Variants in NRIP1 observed in about 807,000 individuals in gnomAD.
NRIP1 encodes the protein nuclear receptor-interacting protein 1.
In NRIP1, 28 loss-of-function variants were observed where a neutral mutation model predicts 75.0. The observed-to-expected ratio is 0.37, with a 90% confidence interval of 0.28 to 0.51. The LOEUF (loss-of-function observed/expected upper bound fraction) is 0.51. Among genes scored for constraint, NRIP1 ranks in the 20% least tolerant of loss-of-function variants. The probability of loss-of-function intolerance (pLI) is 0.92; values close to 1 mark genes in which losing one functional copy is unlikely to be tolerated. For synonymous variants in NRIP1, 526 were observed against 487.6 expected, an observed-to-expected ratio of 1.08 and a Z score of -1.04; for missense variants, 1,435 against 1,343.7, an observed-to-expected ratio of 1.07 and a Z score of -1.06.
At chr21:15,000,365 A>G (rs73172382) in intron 3 of NRIP1, among the ~76,000 whole-genome samples, 26,736 of 152,162 alleles carry the variant, frequency 0.18, 2,823 homozygotes, top group Non-Finnish European at 0.24. Context: ...ATGTTTATTA[A>G]GCAGTTATTA....
rs375180655 is a variant in NRIP1 at position 14,966,206 on chromosome 21, T to C, written c.1987A>G (p.Ile663Val). 3 of 1,613,754 alleles carry C rather than the reference T, an allele frequency of 1.9e-6. No individual in the cohort carries two copies. The African/African-American group carries it at 4.0e-5, about 22-fold the overall frequency. ...CTATTTAATCTATCAATCATACCTA[T>C]CGGTTTATCTGTGTTTCCAGTTAAC... ...QLLTGNTDKP[I>V]GMIDRLNSPL... is the part of the protein sequence containing the mutation. Residue 663 changes from isoleucine to valine, a missense_variant, in exon 4 of 4, where the codon ATA becomes GTA. Transcript: ENST00000318948.
chr21:15,026,004 T>C (rs1026959392), intron 2 of NRIP1, among the ~76,000 whole-genome samples: 7 of 152,112 alleles, frequency 4.6e-5, no homozygotes, highest in African/African-American at 1.7e-4. Context: ...GACGATTAGA[T>C]AGTAGTGATG....
chr21:15,033,740 CA>C, intron 2 of NRIP1, among the ~76,000 whole-genome samples: 1 of 152,264 alleles, frequency 6.6e-6, no homozygotes, highest in Middle Eastern at 3.4e-3. Context: ...TCCAATTTTA[CA>C]GATGAGGCTG....
At chr21:15,056,433 C>A (rs1444430989) in intron 1 of NRIP1, among the ~76,000 whole-genome samples, 2 of 152,030 alleles carry the variant, frequency 1.3e-5, no homozygotes, top group Non-Finnish European at 2.9e-5. Flanking sequence ...GGAAAGGAAT[C>A]AGATGGTAAA....
At chr21:14,995,714 T>G (rs2087701700) in intron 3 of NRIP1, among the ~76,000 whole-genome samples, 1 of 152,168 alleles carries the variant, frequency 6.6e-6, no homozygotes, top group South Asian at 2.1e-4. Flanking sequence ...GAGACTATTT[T>G]TAATGTAAAT....
intron 3 of NRIP1, among the ~76,000 whole-genome samples, chr21:14,980,940 T>G (rs1312457324): frequency 6.6e-6 from 1 of 152,224 alleles, no homozygotes; most frequent in African/African-American, 2.4e-5. Flanking sequence ...AAATGACTTA[T>G]ATGACATCAC....
At chr21:14,981,997 C>T (rs896195476) in intron 3 of NRIP1, among the ~76,000 whole-genome samples, 4 of 151,968 alleles carry the variant, frequency 2.6e-5, no homozygotes, top group Admixed American at 6.6e-5. Context: ...GGACCACAGG[C>T]ACACACCACC....
chr21:15,021,149 GTAAA>G (rs2088363532), intron 2 of NRIP1, among the ~76,000 whole-genome samples: 2 of 152,042 alleles, frequency 1.3e-5, no homozygotes, highest in Admixed American at 1.3e-4. Flanking sequence ...ACCAAAAACT[GTAAA>G]CAAAACAAAT....
intron 3 of NRIP1, chr21:14,992,332 GCCA>G (rs1294929066): frequency 1.3e-5 from 2 of 152,170 alleles, no homozygotes; most frequent in Non-Finnish European, 2.9e-5. Context: ...ATCGGTGTGA[GCCA>G]CCAACCCCTG....
chr21:15,007,489 TA>T (rs541013151), intron 3 of NRIP1, among the ~76,000 whole-genome samples: 5 of 152,158 alleles, frequency 3.3e-5, no homozygotes, highest in East Asian at 3.9e-4. Flanking sequence ...AACACTGTGC[TA>T]AAAAAATGAT....
chr21:14,974,687 G>A (rs747546872), intron 3 of NRIP1, among the ~76,000 whole-genome samples: 4 of 152,214 alleles, frequency 2.6e-5, no homozygotes, highest in Non-Finnish European at 5.9e-5. Flanking sequence ...AAACACTTGA[G>A]TGTTGAATAC....
Position 14,968,199 on chromosome 21 carries a change from T to A in NRIP1, c.-7A>T. On this transcript the variant is annotated 5_prime_UTR_variant, in exon 4 of 4. Transcript: ENST00000318948. ...GCTCTTCTCCATGAGTCATGTTCAA[T>A]AGAAGTGTTCACAAGGGCTTGGTTT... is the stretch of plus-strand genomic sequence containing the variant. The A allele has an allele frequency of 1.9e-6, 3 of 1,590,622 alleles. No homozygotes were observed. Among genetic ancestry groups the A allele is most frequent in the Non-Finnish European group, 2.6e-6 (3 of 1,166,436 alleles).
intron 1 of NRIP1, among the ~76,000 whole-genome samples, chr21:15,054,048 T>C (rs571833849): frequency 5.3e-5 from 8 of 152,348 alleles, no homozygotes; most frequent in East Asian, 1.9e-4. Flanking sequence ...ATTAATGTAG[T>C]TGAATATGAC....
chr21:15,049,263 A>T (rs2147356039), intron 1 of NRIP1, among the ~76,000 whole-genome samples: 1 of 152,234 alleles, frequency 6.6e-6, no homozygotes, highest in East Asian at 1.9e-4. Flanking sequence ...TTTATAACCT[A>T]AACACGAATA....
At chr21:15,000,963 C>T (rs1352041444) in intron 3 of NRIP1, among the ~76,000 whole-genome samples, 1 of 152,034 alleles carries the variant, frequency 6.6e-6, no homozygotes, top group Non-Finnish European at 1.5e-5. Context: ...TTAACAGGTG[C>T]TTAAAAATGC....
At chr21:15,034,000 C>T (rs1001949475) in intron 2 of NRIP1, among the ~76,000 whole-genome samples, 3 of 152,168 alleles carry the variant, frequency 2.0e-5, no homozygotes, top group African/African-American at 7.2e-5. Flanking sequence ...CTTGCTGGAC[C>T]CCACTAGACT....
In NRIP1 at chr21:14,961,765, T is replaced by A. The variant is rs1417543820; in HGVS notation, c.*2951A>T. On this transcript the variant is annotated 3_prime_UTR_variant, in exon 4 of 4. Coordinates refer to ENST00000318948, the MANE Select transcript of NRIP1 (RefSeq NM_003489.4). ...ATGCAGCAGGTAATCACAACTTAAATAAAAGGTTTATTCTATACATTTGTC... is the reference window on the plus strand; with the variant it reads ...ATGCAGCAGGTAATCACAACTTAAAAAAAAGGTTTATTCTATACATTTGTC... 1.3e-5 allele frequency: 2 copies of A among 152,206 alleles called. No individual in the cohort carries two copies. Among genetic ancestry groups the A allele is most frequent in the African/African-American group, 4.8e-5 (2 of 41,386 alleles). The allele number at this position is 152,206 out of a possible 1,614,324, so 9.4% of individuals were successfully genotyped here. A position where few individuals can be genotyped will look rare whatever the true frequency, so the allele number is the denominator to read the frequency against.
At chr21:14,989,102 C>T (rs1228188534) in intron 3 of NRIP1, among the ~76,000 whole-genome samples, 1 of 152,186 alleles carries the variant, frequency 6.6e-6, no homozygotes, top group African/African-American at 2.4e-5. Flanking sequence ...CTTCTGTTCC[C>T]TGTAATCACA....
At chr21:15,044,203 T>C (rs2089020871) in intron 1 of NRIP1, among the ~76,000 whole-genome samples, 1 of 151,864 alleles carries the variant, frequency 6.6e-6, no homozygotes, top group Non-Finnish European at 1.5e-5. Context: ...TAAAGAGGAA[T>C]TTCAGTCAAG....
Sources: gnomAD v4.1 joint callset for allele counts (sites outside exome capture counted in the v4.1 genomes callset) on GRCh38, gnomAD v4.1.1 for gene constraint, MANE v1.5 for transcripts, NCBI Gene and HGNC (gene_info 2026-07-23, HGNC 2026-07-21) for gene names.